SOS1: variants seen among roughly 807,000 people sequenced by gnomAD.
SOS1 encodes son of sevenless homolog 1.
SOS1 carries 25 observed loss-of-function variants against 157.6 expected under a neutral mutation model. That is an observed-to-expected ratio of 0.16 (90% confidence interval 0.12 to 0.22). The LOEUF (loss-of-function observed/expected upper bound fraction) is 0.22, where lower values mean the gene tolerates loss of function less well. Ranked by LOEUF, SOS1 falls within the 10% of genes least tolerant of loss-of-function variation. The pLI, the probability that SOS1 is intolerant of heterozygous loss-of-function variation, is 1.00. For missense variants in SOS1, 1,237 were observed against 1,599.1 expected, an observed-to-expected ratio of 0.77 and a Z score of 3.86; for synonymous variants, 528 against 534.0, an observed-to-expected ratio of 0.99 and a Z score of 0.16.
chr2:39,024,578 G>C (rs1163196325), intron 8 of SOS1, among the ~76,000 whole-genome samples: 1 of 151,762 alleles, frequency 6.6e-6, no homozygotes, highest in Non-Finnish European at 1.5e-5. Flanking sequence ...TAAATATACA[G>C]AGAACGATGC....
rs975491573 is a variant in SOS1, at chr2:39,012,279, T to C, written c.2237A>G (p.Asn746Ser). The change falls in exon 14 of 23, where the codon AAT becomes AGT. Residue 746 changes from asparagine (N) to serine (S), a missense_variant. By Grantham distance (46) the Asn-to-Ser change is conservative. This residue lies in a region of SOS1 where 39 missense variants were observed against 40.5 expected (regional missense o/e 0.96). Coordinates refer to ENST00000402219, the MANE Select transcript of SOS1 (RefSeq NM_005633.4). ...AAATGTAATATTATGACCTGGTCCA[T>C]TGTCTCTTGCAATTTTTTTCCTTTG... ...IIQRKKIARD[N>S]GPGHNITFQS... is the part of the protein sequence containing the mutation. The C allele has an allele frequency of 1.2e-6, 2 of 1,613,564 alleles. No homozygotes were observed. Among genetic ancestry groups the C allele is most frequent in the Non-Finnish European group, 1.7e-6 (2 of 1,179,588 alleles).
At chr2:39,109,662 C>T (rs1339635272) in intron 1 of SOS1, among the ~76,000 whole-genome samples, 2 of 152,182 alleles carry the variant, frequency 1.3e-5, no homozygotes, top group African/African-American at 4.8e-5. Context: ...GATTCTACTC[C>T]TTACTAGTCA....
At chr2:39,088,267 C>T (rs915748144) in intron 1 of SOS1, among the ~76,000 whole-genome samples, 18 of 147,468 alleles carry the variant, frequency 1.2e-4, no homozygotes, top group African/African-American at 4.5e-4. Flanking sequence ...TGGGCCCGAC[C>T]ACTAGAAATT....
At position 39,030,687 on chromosome 2, in the gene SOS1, T is replaced by C. The variant is rs182327366; in HGVS notation, c.1074+4525A>G. On this transcript the variant is annotated intron_variant, in intron 8 of 22. Transcript: ENST00000402219. ...ATTTTTATAGTGTACCAAAAACTTA[T>C]TGTTAAGGGTTGAATTGTGTCCCCC... 5.3e-5 allele frequency among the ~76,000 whole-genome samples: 8 copies of C among 152,262 alleles called. No individual in the cohort carries two copies. The East Asian group carries it at 1.4e-3, about 26-fold the overall frequency.
At position 39,120,382 on chromosome 2, in the gene SOS1, T is replaced by C. The variant is rs750790046; in HGVS notation, c.41A>G (p.Glu14Gly). Reference sequence around the variant, plus strand: ...TAGTCCCCGCCACTTGGGCGCGTTCTCTTCGCTGAAAAACTCGTAGGGCAG... The same window carrying C: ...TAGTCCCCGCCACTTGGGCGCGTTCCCTTCGCTGAAAAACTCGTAGGGCAG... Reference protein sequence around the residue: ...QQLPYEFFSEENAPKWRGLLV... With the variant: ...QQLPYEFFSEGNAPKWRGLLV... Residue 14 changes from glutamate to glycine, a missense_variant, in exon 1 of 23, where the codon GAG (glutamate) becomes GGG (glycine). Glu to Gly is a moderately conservative substitution (Grantham distance 98). This residue lies in a region of SOS1 where 99 missense variants were observed against 81.6 expected (regional missense o/e 1.21). Coordinates refer to ENST00000402219, the MANE Select transcript of SOS1 (RefSeq NM_005633.4). 1.9e-6 allele frequency: 3 copies of C among 1,602,234 alleles called. No individual in the cohort carries two copies.
chr2:39,024,278 AGT>A, intron 8 of SOS1, 141 bp from the exon 9 acceptor site: 1 of 745,666 alleles, frequency 1.3e-6, no homozygotes, highest in Non-Finnish European at 2.2e-6. Flanking sequence ...TCTTTTTAAA[AGT>A]GTTTTTCTTG....
At chr2:39,075,807 G>A (rs79812780) in intron 1 of SOS1, among the ~76,000 whole-genome samples, 1,687 of 152,148 alleles carry the variant, frequency 0.011, 29 homozygotes, top group African/African-American at 0.038. Context: ...AGTTTAAAAA[G>A]AGAAAATTAT....
chr2:39,031,968 T>C (rs558897481), intron 8 of SOS1, among the ~76,000 whole-genome samples: 9 of 152,296 alleles, frequency 5.9e-5, no homozygotes, highest in African/African-American at 1.9e-4. Context: ...AAGAGTATTT[T>C]TTCAGTGTCA....
chr2:39,084,619 A>G, intron 1 of SOS1, among the ~76,000 whole-genome samples: 1 of 152,302 alleles, frequency 6.6e-6, no homozygotes, highest in East Asian at 1.9e-4. Context: ...ATATAAAATA[A>G]AATATAAATT....
chr2:39,002,098 C>G (rs1207532661), intron 17 of SOS1, among the ~76,000 whole-genome samples: 1 of 152,142 alleles, frequency 6.6e-6, no homozygotes, highest in Non-Finnish European at 1.5e-5. Flanking sequence ...AGGTGGATCA[C>G]CTGAGGTCAG....
chr2:39,061,101 G>A (rs1469759474), intron 2 of SOS1, among the ~76,000 whole-genome samples: 1 of 151,848 alleles, frequency 6.6e-6, no homozygotes, highest in Non-Finnish European at 1.5e-5. Flanking sequence ...AGAAAATCTC[G>A]AATGATTTTT....
intron 6 of SOS1, among the ~76,000 whole-genome samples, chr2:39,040,292 C>T (rs1040256102): frequency 2.0e-5 from 3 of 152,162 alleles, no homozygotes; most frequent in Non-Finnish European, 4.4e-5. Flanking sequence ...GCTGGGATTA[C>T]AGGCATGAGC....
At chr2:39,040,840 G>A (rs1260939593) in intron 6 of SOS1, among the ~76,000 whole-genome samples, 1 of 152,062 alleles carries the variant, frequency 6.6e-6, no homozygotes. Context: ...TCTGCTTTTT[G>A]TTCTTTTGGG....
At chr2:39,063,745 A>T (rs1230429301) in intron 2 of SOS1, among the ~76,000 whole-genome samples, 1 of 152,192 alleles carries the variant, frequency 6.6e-6, no homozygotes, top group Non-Finnish European at 1.5e-5. Flanking sequence ...CATATCCCCT[A>T]GGAGCTACCA....
chr2:39,122,356 G>A (rs147808049), upstream of SOS1, among the ~76,000 whole-genome samples: 1,410 of 152,078 alleles, frequency 9.3e-3, 34 homozygotes, highest in East Asian at 0.073. Context: ...CTTGAACCCA[G>A]GAGGCAGAGG....
intron 1 of SOS1, among the ~76,000 whole-genome samples, chr2:39,074,240 C>T (rs959844555): frequency 6.6e-6 from 1 of 151,870 alleles, no homozygotes; most frequent in African/African-American, 2.4e-5. Context: ...ATCCCAGCTA[C>T]TGGGGAGGCT....
intron 8 of SOS1, among the ~76,000 whole-genome samples, chr2:39,030,152 C>T (rs1332370749): frequency 6.9e-6 from 1 of 145,586 alleles, no homozygotes; most frequent in African/African-American, 2.5e-5. Context: ...GGTGACAGAA[C>T]AAGACTCCAT....
chr2:39,040,080 C>T lies in SOS1; in HGVS notation c.865-4580G>A, dbSNP rs527384353. ...AGGCTGGAGTGCAGTGGCGTGACCTCGGCTCACTGCAAGCTCCGCCTCCCA... is the reference window on the plus strand; with the variant it reads ...AGGCTGGAGTGCAGTGGCGTGACCTTGGCTCACTGCAAGCTCCGCCTCCCA... On this transcript the variant is annotated intron_variant, in intron 6 of 22. Transcript: ENST00000402219. 3.3e-5 allele frequency among the ~76,000 whole-genome samples: 5 copies of T among 152,054 alleles called. No homozygotes were observed. In the South Asian group the frequency reaches 8.3e-4, roughly 25 times the overall value.
intron 6 of SOS1, among the ~76,000 whole-genome samples, chr2:39,046,005 C>T (rs908610061): frequency 2.0e-4 from 30 of 152,320 alleles, no homozygotes; most frequent in African/African-American, 7.0e-4. Context: ...AGCCATTGCG[C>T]CAGGCCTAAA....
Sources: allele counts gnomAD v4.1 joint callset (sites outside exome capture counted in the v4.1 genomes callset), GRCh38; gene constraint gnomAD v4.1.1; regional missense constraint gnomAD v4.1.1; transcripts MANE v1.5; gene names NCBI Gene and HGNC (gene_info 2026-07-23, HGNC 2026-07-21).